The following PCLO variants were observed in gnomAD, a reference collection of about 807,000 sequenced individuals.
PCLO encodes protein piccolo.
PCLO carries 82 observed loss-of-function variants against 427.5 expected under a neutral mutation model. The ratio of observed to expected loss-of-function variants is 0.19; its 90% CI spans 0.16 to 0.23. The LOEUF is 0.23. PCLO is among the 10% of genes least tolerant of loss of function. The probability of loss-of-function intolerance (pLI) is 1.00; values close to 1 mark genes in which losing one functional copy is unlikely to be tolerated. For synonymous variants in PCLO, 2,357 were observed against 2,155.4 expected (o/e 1.09, Z -2.59); for missense variants, 6,239 against 6,115.9 (o/e 1.02, Z -0.67).
intron 10 of PCLO, among the ~76,000 whole-genome samples, chr7:82,867,087 A>C (rs2115955410): frequency 6.6e-6 from 1 of 152,318 alleles, no homozygotes; most frequent in South Asian, 2.1e-4. Flanking sequence ...AAAGGAAGAC[A>C]AACATCATTA....
In PCLO at chr7:83,154,958, T is replaced by C; in HGVS notation, c.1683A>G (p.Thr561=). ...GTGGCTGCAGAGGTTTTCCAGATCCTGTTTGGCTTACTGGTTTTGTAGATT... is the reference window on the plus strand; with the variant it reads ...GTGGCTGCAGAGGTTTTCCAGATCCCGTTTGGCTTACTGGTTTTGTAGATT... ...AQQSTKPVSQ[T]GSGKPLQPPT... Residue 561 remains threonine (T), a synonymous_variant, in exon 2 of 25, where the codon ACA becomes ACG. Transcript: ENST00000333891. 5 of 1,614,006 alleles carry C rather than the reference T, an allele frequency of 3.1e-6. No individual in the cohort carries two copies. The highest frequency in any genetic ancestry group is 1.3e-5 in the African/African-American group (1 of 75,034).
intron 3 of PCLO, among the ~76,000 whole-genome samples, chr7:83,077,665 T>A (rs1273448389): frequency 6.6e-6 from 1 of 152,142 alleles, no homozygotes; most frequent in Non-Finnish European, 1.5e-5. Context: ...GAAGCACAGA[T>A]ATTTGTTAGT....
At chr7:83,159,804 A>G (rs1792388431) in intron 1 of PCLO, among the ~76,000 whole-genome samples, 1 of 151,796 alleles carries the variant, frequency 6.6e-6, no homozygotes, top group Non-Finnish European at 1.5e-5. Flanking sequence ...TAATTTTTAT[A>G]TATTATATAA....
At chr7:82,866,641 T>G (rs1793099717) in intron 10 of PCLO, among the ~76,000 whole-genome samples, 1 of 139,748 alleles carries the variant, frequency 7.2e-6, no homozygotes, top group African/African-American at 2.7e-5. Flanking sequence ...TTCACTACTC[T>G]CAATGAAATT....
chr7:83,075,838 T>C (rs1456736397), intron 3 of PCLO, among the ~76,000 whole-genome samples: 1 of 152,156 alleles, frequency 6.6e-6, no homozygotes, highest in Non-Finnish European at 1.5e-5. Flanking sequence ...ACACATGTAA[T>C]ATGTCTAAGG....
At chr7:82,760,847 A>G (rs774713015) in intron 23 of PCLO, 63 bp from the exon 24 acceptor site, 195 of 866,822 alleles carry the variant, frequency 2.2e-4, no homozygotes, top group Non-Finnish European at 3.1e-4. Context: ...TGAAAGAATT[A>G]TAACTGTATA....
At chr7:83,070,666 C>T (rs558216950) in intron 3 of PCLO, among the ~76,000 whole-genome samples, 1 of 152,152 alleles carries the variant, frequency 6.6e-6, no homozygotes, top group African/African-American at 2.4e-5. Context: ...GGATTACAGG[C>T]GTGAGCCACT....
At position 82,952,585 on chromosome 7, in the gene PCLO, G is replaced by C; in HGVS notation, c.8368C>G (p.Leu2790Val). 1 of 1,613,946 alleles carries C rather than the reference G, an allele frequency of 6.2e-7. No individual in the cohort carries two copies. Among genetic ancestry groups the C allele is most frequent in the Non-Finnish European group, 8.5e-7 (1 of 1,179,832 alleles). ...VTSSIVTPVSLATETVTFVTC... is the reference protein window; with the variant it reads ...VTSSIVTPVSVATETVTFVTC... ...ACAAAGGTCACTGTCTCAGTGGCCAGAGATACAGGAGTCACTATTGATGAT... is the reference window on the plus strand; with the variant it reads ...ACAAAGGTCACTGTCTCAGTGGCCACAGATACAGGAGTCACTATTGATGAT... Residue 2790 changes from leucine to valine, a missense_variant, in exon 5 of 25, where the codon CTG becomes GTG. Around this residue, in one of 5 missense-constraint regions of PCLO, gnomAD observed 4,677 missense variants for 4,468.4 expected, o/e 1.05. Coordinates refer to ENST00000333891, the MANE Select transcript of PCLO (RefSeq NM_033026.6).
At chr7:83,049,549 C>T (rs535053698) in intron 3 of PCLO, among the ~76,000 whole-genome samples, 81 of 152,168 alleles carry the variant, frequency 5.3e-4, no homozygotes, top group East Asian at 4.6e-3. Flanking sequence ...AAGAGGTTAC[C>T]GATGATCACA....
intron 22 of PCLO, among the ~76,000 whole-genome samples, chr7:82,791,761 T>C (rs151212975): frequency 1.6e-4 from 24 of 152,224 alleles, no homozygotes; most frequent in African/African-American, 4.1e-4. Flanking sequence ...TTTTCCAGTT[T>C]TACTTTTTTA....
In PCLO at chr7:82,851,708, T is replaced by C. The variant is rs1364009431; in HGVS notation, c.13655-4461A>G. Among the ~76,000 whole-genome samples, 4 of 152,156 alleles carry C rather than the reference T, an allele frequency of 2.6e-5. No individual in the cohort carries two copies. In the East Asian group the frequency reaches 5.8e-4, roughly 22 times the overall value. On this transcript the variant is annotated intron_variant, in intron 10 of 24. Transcript: ENST00000333891. Reference sequence around the variant, plus strand: ...ATACTAAGATTATTAATCACGACTATAGGTTAATTTTCCAAATTTGAACAA... The same window carrying C: ...ATACTAAGATTATTAATCACGACTACAGGTTAATTTTCCAAATTTGAACAA...
Position 82,950,213 on chromosome 7 carries a change from T to A in PCLO, c.10375A>T (p.Ser3459Cys), listed in dbSNP as rs1193143807. 4 of 1,612,354 alleles carry A rather than the reference T, an allele frequency of 2.5e-6. No homozygotes were observed. In the Admixed American group the frequency reaches 5.0e-5, roughly 20 times the overall value. Residue 3459 changes from serine (S) to cysteine (C), a missense_variant, in exon 6 of 25, where the codon AGT becomes TGT. Ser to Cys is a moderately radical substitution (Grantham distance 112, BLOSUM62 -1). Coordinates refer to ENST00000333891, the MANE Select transcript of PCLO (RefSeq NM_033026.6). Reference protein sequence around the residue: ...DEDATDRSYVSRRRRTKKSVD... With the variant: ...DEDATDRSYVCRRRRTKKSVD... ...CTCTTTTTAGTTCTCCTTCTCCTAC[T>A]CACATAGCTCCGATCTGTGGCATCT...
rs781244854 is a variant in PCLO, at chr7:82,950,359, G to A, written c.10229C>T (p.Pro3410Leu). The change falls in exon 6 of 25, where the codon CCC becomes CTC. Residue 3410 changes from proline (P) to leucine (L), a missense_variant. By Grantham distance (98) the Pro-to-Leu change is moderately conservative (BLOSUM62 -3). This residue lies in a region of PCLO where 4,677 missense variants were observed against 4,468.4 expected (regional missense o/e 1.05). Transcript: ENST00000333891. ...TTTAGCTCCAGAACTTCTCTTTTTG[G>A]GTTGTTTTTCCTCTTTCACAACAAC... ...TDVVVKEEKQ[P>L]KKRSSGAKVR... 8 of 1,613,314 alleles carry A rather than the reference G, an allele frequency of 5.0e-6. No homozygotes were observed. In the East Asian group the frequency reaches 1.6e-4, roughly 31 times the overall value.
Position 82,909,771 on chromosome 7 carries a change from A to T in PCLO, c.13301-758T>A, listed in dbSNP as rs372092517. Among the ~76,000 whole-genome samples, 13 of 152,052 alleles carry T rather than the reference A, an allele frequency of 8.5e-5. No individual in the cohort carries two copies. In the East Asian group the frequency reaches 9.7e-4, roughly 11 times the overall value. ...GTAGCCTAATATTAAAAATACCTCT[A>T]TTGTAATTGTTAAATAAAAATAAAA... On this transcript the variant is annotated intron_variant, in intron 7 of 24. Coordinates refer to ENST00000333891, the MANE Select transcript of PCLO (RefSeq NM_033026.6).
intron 3 of PCLO, among the ~76,000 whole-genome samples, chr7:83,112,195 T>C (rs1791021393): frequency 6.6e-6 from 1 of 152,062 alleles, no homozygotes; most frequent in Non-Finnish European, 1.5e-5. Flanking sequence ...GTAGCTGAGA[T>C]TACAAGTGCC....
intron 8 of PCLO, among the ~76,000 whole-genome samples, chr7:82,905,164 CA>C (rs1348505767): frequency 6.6e-6 from 1 of 152,042 alleles, no homozygotes; most frequent in Non-Finnish European, 1.5e-5. Context: ...TCTCTGTTAT[CA>C]TTGTCTTTTG....
chr7:82,927,803 T>C (rs10954693), intron 6 of PCLO, among the ~76,000 whole-genome samples: 51,300 of 152,074 alleles, frequency 0.34, 9,247 homozygotes, highest in East Asian at 0.49. Flanking sequence ...TTTCAACATA[T>C]TCAGTTGTAA....
chr7:83,033,763 T>C, intron 3 of PCLO, among the ~76,000 whole-genome samples: 1 of 152,220 alleles, frequency 6.6e-6, no homozygotes, highest in South Asian at 2.1e-4. Context: ...TTTGTACTAC[T>C]CTTTATCTCC....
Position 82,954,665 on chromosome 7 carries a change from C to A in PCLO, c.6288G>T (p.Met2096Ile). Residue 2096 changes from methionine (M) to isoleucine (I), a missense_variant, in exon 5 of 25, where the codon ATG becomes ATT. Physicochemically the swap from Met to Ile is conservative, Grantham distance 10. Coordinates refer to ENST00000333891, the MANE Select transcript of PCLO (RefSeq NM_033026.6). Reference protein sequence around the residue: ...PIGEDMTESTMDFDRMPDASL... With the variant: ...PIGEDMTESTIDFDRMPDASL... Reference sequence around the variant, plus strand: ...AGGCATCTGGCATTCTGTCAAAGTCCATGGTGGACTCTGTCATATCCTCAC... The same window carrying A: ...AGGCATCTGGCATTCTGTCAAAGTCAATGGTGGACTCTGTCATATCCTCAC... The A allele has an allele frequency of 1.2e-6, 2 of 1,613,910 alleles. No homozygotes were observed. Among genetic ancestry groups the A allele is most frequent in the Non-Finnish European group, 1.7e-6 (2 of 1,179,852 alleles).
Sources: allele counts gnomAD v4.1 joint callset (sites outside exome capture counted in the v4.1 genomes callset), GRCh38; gene constraint gnomAD v4.1.1; regional missense constraint gnomAD v4.1.1; transcripts MANE v1.5; gene names NCBI Gene and HGNC (gene_info 2026-07-23, HGNC 2026-07-21).